Variants in FBXL17 observed in about 807,000 individuals in gnomAD.
FBXL17 encodes the protein F-box and leucine rich repeat protein 17.
In FBXL17, 22 loss-of-function variants were observed where a neutral mutation model predicts 66.2. The observed-to-expected ratio is 0.33, with a 90% confidence interval of 0.24 to 0.47. The LOEUF (loss-of-function observed/expected upper bound fraction) is 0.47. Ranked by LOEUF, FBXL17 falls within the 20% of genes least tolerant of loss-of-function variation. The probability of loss-of-function intolerance (pLI) is 1.00; values close to 1 mark genes in which losing one functional copy is unlikely to be tolerated. For missense variants in FBXL17, 878 were observed against 948.2 expected, an observed-to-expected ratio of 0.93 and a Z score of 0.97; for synonymous variants, 474 against 400.5, an observed-to-expected ratio of 1.18 and a Z score of -2.19.
chr5:108,258,539 G>T (rs1196839237), intron 4 of FBXL17, among the ~76,000 whole-genome samples: 2 of 152,054 alleles, frequency 1.3e-5, no homozygotes, highest in African/African-American at 4.8e-5. Context: ...AGTAGAATAG[G>T]TTCAAAGAAA....
rs1749851677 is a variant in FBXL17 at position 108,381,011 on chromosome 5, ACCGCCGCCGCCGCCGCCGCCGCAGCCC to A, written c.654_680del (p.Cys220_Gly228del). 2.7e-5 allele frequency: 32 copies of A among 1,180,600 alleles called. No individual in the cohort carries two copies. The highest frequency in any genetic ancestry group is 1.5e-5 in the Non-Finnish European group (14 of 954,842). 73.1% of individuals were successfully genotyped at this position (1,180,600 alleles called of 1,614,324 possible). On this transcript the variant is annotated inframe_deletion, in exon 1 of 9. Coordinates refer to ENST00000542267, the MANE Select transcript of FBXL17 (RefSeq NM_001163315.3). Reference sequence around the variant, plus strand: ...CTCCCCCCGCAGGCCCTCCCCCGCCACCGCCGCCGCCGCCGCCGCCGCAGCCCCCGCCGCCGCAGCGGGGCTGCTTGC... The same window carrying A: ...CTCCCCCCGCAGGCCCTCCCCCGCCACCGCCGCCGCAGCGGGGCTGCTTGC...
intron 7 of FBXL17, among the ~76,000 whole-genome samples, chr5:107,882,228 G>A (rs560631818): frequency 3.9e-4 from 60 of 152,150 alleles, no homozygotes; most frequent in Non-Finnish European, 6.8e-4. Flanking sequence ...AAAGGTGAAT[G>A]ATAGTTCCCA....
chr5:108,361,906 G>A (rs1018659303), intron 3 of FBXL17, among the ~76,000 whole-genome samples: 9 of 152,148 alleles, frequency 5.9e-5, no homozygotes, highest in African/African-American at 1.9e-4. Flanking sequence ...CTGGGAACTC[G>A]GACTGCTATC....
intron 6 of FBXL17, among the ~76,000 whole-genome samples, chr5:108,089,915 C>A (rs1749126413): frequency 6.6e-6 from 1 of 152,064 alleles, no homozygotes; most frequent in Admixed American, 6.6e-5. Context: ...GTAGACTCGA[C>A]CTCCTGGGCT....
intron 6 of FBXL17, among the ~76,000 whole-genome samples, chr5:108,075,183 G>A (rs1748495563): frequency 6.6e-6 from 1 of 152,258 alleles, no homozygotes; most frequent in East Asian, 1.9e-4. Context: ...TCCACCCTGA[G>A]CTCAGTTGTC....
At chr5:108,101,723 G>T (rs1749608101) in intron 6 of FBXL17, among the ~76,000 whole-genome samples, 1 of 152,184 alleles carries the variant, frequency 6.6e-6, no homozygotes, top group South Asian at 2.1e-4. Context: ...AATAGTGCAT[G>T]GGCAGGGAAA....
At chr5:108,244,327 G>A (rs1192314851) in intron 4 of FBXL17, among the ~76,000 whole-genome samples, 1 of 151,958 alleles carries the variant, frequency 6.6e-6, no homozygotes, top group African/African-American at 2.4e-5. Flanking sequence ...TATCTCAAAA[G>A]GAAATTTAAG....
At chr5:108,045,816 T>A (rs1747232092) in intron 6 of FBXL17, among the ~76,000 whole-genome samples, 1 of 152,222 alleles carries the variant, frequency 6.6e-6, no homozygotes, top group African/African-American at 2.4e-5. Context: ...TCCACTGTGG[T>A]CAGACAATAC....
intron 5 of FBXL17, among the ~76,000 whole-genome samples, chr5:108,214,335 T>C (rs1754505363): frequency 6.6e-6 from 1 of 151,784 alleles, no homozygotes; most frequent in East Asian, 1.9e-4. Context: ...TTTCATAAAG[T>C]GTAATTTATT....
At chr5:107,880,203 G>T (rs1382575317) in intron 8 of FBXL17, 1 of 235,134 alleles carries the variant, frequency 4.3e-6, no homozygotes, top group Non-Finnish European at 6.9e-6. Flanking sequence ...GAGTAGCTGG[G>T]ACTACAGGTG....
chr5:108,072,475 G>A (rs895726757), intron 6 of FBXL17, among the ~76,000 whole-genome samples: 1 of 152,170 alleles, frequency 6.6e-6, no homozygotes. Flanking sequence ...AGGCTGAGGC[G>A]GGTGGATCAC....
chr5:108,344,458 A>G (rs1002901009), intron 4 of FBXL17, among the ~76,000 whole-genome samples: 5 of 152,322 alleles, frequency 3.3e-5, no homozygotes, highest in East Asian at 1.9e-4. Context: ...TGAGTAATCT[A>G]TAATAGTTTA....
At chr5:107,999,485 C>A (rs1015646907) in intron 7 of FBXL17, among the ~76,000 whole-genome samples, 2 of 109,762 alleles carry the variant, frequency 1.8e-5, no homozygotes, top group African/African-American at 6.3e-5. Flanking sequence ...ACACACACAC[C>A]ACACACACAC....
chr5:107,922,056 A>G (rs1222673691), intron 7 of FBXL17, among the ~76,000 whole-genome samples: 1 of 152,214 alleles, frequency 6.6e-6, no homozygotes, highest in Non-Finnish European at 1.5e-5. Flanking sequence ...AGAGAGGCCA[A>G]TAAGACCTGC....
intron 7 of FBXL17, among the ~76,000 whole-genome samples, chr5:107,886,463 G>C (rs773003229): frequency 2.0e-5 from 3 of 152,074 alleles, no homozygotes; most frequent in Non-Finnish European, 4.4e-5. Context: ...CCAGTGAAAG[G>C]AATCAGAGCT....
chr5:108,088,616 G>A (rs918442216), intron 6 of FBXL17, among the ~76,000 whole-genome samples: 19 of 145,524 alleles, frequency 1.3e-4, no homozygotes, highest in East Asian at 4.1e-4. Context: ...CAGGAGAATC[G>A]CTTAAACTTG....
At chr5:108,163,563 G>A (rs1414264436) in intron 6 of FBXL17, among the ~76,000 whole-genome samples, 1 of 152,066 alleles carries the variant, frequency 6.6e-6, no homozygotes, top group East Asian at 1.9e-4. Context: ...ACTACGTCTG[G>A]CTAATTTTTT....
intron 7 of FBXL17, among the ~76,000 whole-genome samples, chr5:107,950,355 C>T (rs1751456424): frequency 6.6e-6 from 1 of 152,150 alleles, no homozygotes; most frequent in Non-Finnish European, 1.5e-5. Context: ...CAAATATCTT[C>T]TTGCCATTAG....
chr5:107,955,021 A>G (rs962505631), intron 7 of FBXL17, among the ~76,000 whole-genome samples: 2 of 152,146 alleles, frequency 1.3e-5, no homozygotes, highest in African/African-American at 4.8e-5. Context: ...CACTTTGAAA[A>G]TTGACTGTCT....
Sources: gnomAD v4.1 joint callset for allele counts (sites outside exome capture counted in the v4.1 genomes callset) on GRCh38, gnomAD v4.1.1 for gene constraint, MANE v1.5 for transcripts, NCBI Gene and HGNC (gene_info 2026-07-23, HGNC 2026-07-21) for gene names.